Variants in THAP8 observed in about 807,000 individuals in gnomAD.
THAP8 encodes THAP domain-containing protein 8.
A neutral mutation model predicts 25.0 loss-of-function variants in THAP8; 24 were observed. The observed-to-expected ratio is 0.96, with a 90% CI of 0.69 to 1.35. The LOEUF is 1.35. Among genes scored for constraint, THAP8 ranks in the 40% most tolerant of loss-of-function variants. The probability of loss-of-function intolerance (pLI) is 0.00; values close to 1 mark genes in which losing one functional copy is unlikely to be tolerated. For synonymous variants in THAP8, 169 were observed against 157.6 expected, an observed-to-expected ratio of 1.07 and a Z score of -0.54; for missense variants, 399 against 368.8, an observed-to-expected ratio of 1.08 and a Z score of -0.67.
intron 3 of THAP8, among the ~76,000 whole-genome samples, chr19:36,036,108 G>A (rs958437087): frequency 1.3e-5 from 2 of 151,916 alleles, no homozygotes; most frequent in Non-Finnish European, 2.9e-5. Context: ...CCCCAGGCCC[G>A]AGTCTGAGCT....
At chr19:36,045,548 C>T (rs981157154) in intron 1 of THAP8, among the ~76,000 whole-genome samples, 3 of 152,148 alleles carry the variant, frequency 2.0e-5, no homozygotes, top group African/African-American at 7.2e-5. Flanking sequence ...AAATTACAGG[C>T]GTGAACCACT....
At chr19:36,046,103 G>A (rs947178114) in intron 1 of THAP8, 6 of 358,326 alleles carry the variant, frequency 1.7e-5, no homozygotes, top group African/African-American at 4.3e-5. Flanking sequence ...TGTCAAGGGA[G>A]GGACATGATG....
intron 1 of THAP8, among the ~76,000 whole-genome samples, chr19:36,053,602 TCCA>T (rs1250527287): frequency 6.6e-6 from 1 of 151,706 alleles, no homozygotes; most frequent in Non-Finnish European, 1.5e-5. Context: ...TAGTAATTCT[TCCA>T]CCAACTGGCT....
intron 1 of THAP8, among the ~76,000 whole-genome samples, chr19:36,050,900 C>T (rs1970037557): frequency 6.6e-6 from 1 of 152,162 alleles, no homozygotes; most frequent in South Asian, 2.1e-4. Context: ...TCACCAAATC[C>T]ACCCAACGAA....
At chr19:36,048,468 C>T (rs1969948641) in intron 1 of THAP8, among the ~76,000 whole-genome samples, 1 of 151,786 alleles carries the variant, frequency 6.6e-6, no homozygotes. Context: ...CAGGTTCAAG[C>T]GATTCTCCCA....
chr19:36,048,655 G>A (rs994871170), intron 1 of THAP8, among the ~76,000 whole-genome samples: 22 of 151,492 alleles, frequency 1.5e-4, no homozygotes, highest in African/African-American at 5.1e-4. Flanking sequence ...GTGAGCCACC[G>A]CGCCCAGCCC....
At position 36,054,120 on chromosome 19, in the gene THAP8, C is replaced by T. The variant is rs1244348978; in HGVS notation, c.83+15G>A. ...GGTCCCGCCTCCCTCAAGCCCCGCC[C>T]CGCGCTGCGCTCACTTGTAGAAGCT... On this transcript the variant is annotated intron_variant, in intron 1 of 3. Coordinates refer to ENST00000292894, the MANE Select transcript of THAP8 (RefSeq NM_152658.3). The T allele has an allele frequency of 6.2e-7, 1 of 1,611,632 alleles. No homozygotes were observed.
At chr19:36,054,045 A>T in intron 1 of THAP8, 90 bp downstream of exon 1, 2 of 1,441,516 alleles carry the variant, frequency 1.4e-6, no homozygotes, top group Non-Finnish European at 1.9e-6. Flanking sequence ...CTCAAGCAAG[A>T]CCAGAAGCCC....
At chr19:36,041,725 G>A (rs778452778) in intron 1 of THAP8, among the ~76,000 whole-genome samples, 13 of 152,252 alleles carry the variant, frequency 8.5e-5, no homozygotes, top group African/African-American at 2.9e-4. Flanking sequence ...TTAGGAAAAC[G>A]CAGTATCAGA....
At chr19:36,045,690 G>GGA (rs1182718719) in intron 1 of THAP8, 10 of 455,124 alleles carry the variant, frequency 2.2e-5, no homozygotes, top group African/African-American at 2.0e-4. Flanking sequence ...ATAAGAGGGA[G>GGA]GAGAATATAT....
At chr19:36,051,852 G>GACTA (rs1970064452) in intron 1 of THAP8, among the ~76,000 whole-genome samples, 1 of 152,258 alleles carries the variant, frequency 6.6e-6, no homozygotes, top group Non-Finnish European at 1.5e-5. Flanking sequence ...TGAGTGGCAG[G>GACTA]CAGGTGAGCG....
At chr19:36,046,725 G>C (rs1969892962) in intron 1 of THAP8, among the ~76,000 whole-genome samples, 1 of 152,186 alleles carries the variant, frequency 6.6e-6, no homozygotes, top group Non-Finnish European at 1.5e-5. Flanking sequence ...CCATCTCCCA[G>C]GCAGAATCTG....
chr19:36,038,259 T>C (rs1365727288), intron 3 of THAP8, among the ~76,000 whole-genome samples: 1 of 150,930 alleles, frequency 6.6e-6, no homozygotes, highest in African/African-American at 2.4e-5. Context: ...GAGTTTTTTG[T>C]TTGGTTGTGG....
chr19:36,047,543 C>A (rs995906068), intron 1 of THAP8, among the ~76,000 whole-genome samples: 4 of 152,158 alleles, frequency 2.6e-5, no homozygotes, highest in Admixed American at 1.3e-4. Flanking sequence ...CAGAAAGAGG[C>A]CGGGCATGGT....
chr19:36,036,454 G>C (rs756937515), intron 3 of THAP8, among the ~76,000 whole-genome samples: 12 of 152,080 alleles, frequency 7.9e-5, no homozygotes, highest in Admixed American at 2.0e-4. Context: ...GTTTCTTGTA[G>C]AGACAGGGTT....
At chr19:36,039,100 G>T (rs560491969) in intron 3 of THAP8, among the ~76,000 whole-genome samples, 1 of 152,310 alleles carries the variant, frequency 6.6e-6, no homozygotes, top group South Asian at 2.1e-4. Flanking sequence ...TTGCTATGTT[G>T]CCCAGGCTGG....
chr19:36,040,516 G>A (rs551443097), intron 1 of THAP8, among the ~76,000 whole-genome samples: 71 of 152,072 alleles, frequency 4.7e-4, no homozygotes, highest in Non-Finnish European at 8.8e-4. Context: ...TAGTAGAGAC[G>A]AGGTTGCACC....
At chr19:36,035,792 T>G (rs1969417014) in intron 3 of THAP8, among the ~76,000 whole-genome samples, 200 bp from the exon 4 acceptor site, 7 of 142,120 alleles carry the variant, frequency 4.9e-5, no homozygotes, top group Admixed American at 7.1e-5. Context: ...GAAAGAAGGG[T>G]GGGGAAATGG....
chr19:36,035,025 C>T lies in THAP8; in HGVS notation c.*415G>A, dbSNP rs975684736. 2 of 160,974 alleles carry T rather than the reference C, an allele frequency of 1.2e-5. No homozygotes were observed. Among genetic ancestry groups the T allele is most frequent in the African/African-American group, 2.4e-5 (1 of 41,730 alleles). The allele number at this position is 160,974 out of a possible 1,614,324, so 10.0% of individuals were successfully genotyped here. A position where few individuals can be genotyped will look rare whatever the true frequency, so the allele number is the denominator to read the frequency against. On this transcript the variant is annotated 3_prime_UTR_variant, in exon 4 of 4. Transcript: ENST00000292894. ...CTTGTTTATTTGTTTACTAGTTCATCGTCTACTCAAGTAGAATGAGCACCA... is the reference window on the plus strand; with the variant it reads ...CTTGTTTATTTGTTTACTAGTTCATTGTCTACTCAAGTAGAATGAGCACCA...
Sources: allele counts gnomAD v4.1 joint callset (sites outside exome capture counted in the v4.1 genomes callset), GRCh38; gene constraint gnomAD v4.1.1; transcripts MANE v1.5; gene names NCBI Gene and HGNC (gene_info 2026-07-23, HGNC 2026-07-21).